BAZ2B: variants seen among roughly 807,000 people sequenced by gnomAD.
BAZ2B encodes bromodomain adjacent to zinc finger domain 2B, also known as bromodomain adjacent to zinc finger domain protein 2B.
A neutral mutation model predicts 246.0 loss-of-function variants in BAZ2B; 91 were observed. That is an observed-to-expected ratio of 0.37 (90% CI 0.31 to 0.44). The LOEUF (loss-of-function observed/expected upper bound fraction) is 0.44. Among genes scored for constraint, BAZ2B ranks in the 20% least tolerant of loss-of-function variants. The pLI is 1.00. For synonymous variants in BAZ2B, 855 were observed against 860.0 expected, an observed-to-expected ratio of 0.99 and a Z score of 0.10; for missense variants, 2,332 against 2,533.7, an observed-to-expected ratio of 0.92 and a Z score of 1.71.
the BAZ2B span, chr2:159,693,397 A>G: frequency 6.7e-6 from 1 of 149,168 alleles, no homozygotes; most frequent in Non-Finnish European, 1.5e-5. Flanking sequence ...GCCAATTTTG[A>G]TGAAATATAT....
intron 1 of BAZ2B, among the ~76,000 whole-genome samples, chr2:159,614,977 T>C (rs1171307396): frequency 6.6e-6 from 1 of 152,154 alleles, no homozygotes; most frequent in Non-Finnish European, 1.5e-5. Context: ...AGAGAGAGAC[T>C]TGGGAATAAA....
At chr2:159,471,099 A>C (rs922852111) in intron 3 of BAZ2B, among the ~76,000 whole-genome samples, 1 of 152,184 alleles carries the variant, frequency 6.6e-6, no homozygotes, top group African/African-American at 2.4e-5. Flanking sequence ...GGAAGCTAAA[A>C]GGAAAGATTT....
At chr2:159,520,501 A>G (rs1283023324) in intron 2 of BAZ2B, among the ~76,000 whole-genome samples, 6 of 152,180 alleles carry the variant, frequency 3.9e-5, no homozygotes, top group African/African-American at 1.2e-4. Flanking sequence ...TCCTTCTTTT[A>G]TATTACCCAC....
At chr2:159,367,376 T>G (rs1461249961) in intron 27 of BAZ2B, among the ~76,000 whole-genome samples, 1 of 152,178 alleles carries the variant, frequency 6.6e-6, no homozygotes, top group Non-Finnish European at 1.5e-5. Context: ...CTGTGTGTAA[T>G]GCTTGTGGTA....
chr2:159,569,666 T>C (rs1452829522), intron 1 of BAZ2B, among the ~76,000 whole-genome samples: 2 of 152,050 alleles, frequency 1.3e-5, no homozygotes, highest in Non-Finnish European at 2.9e-5. Flanking sequence ...TGTCATAGTG[T>C]TTCAAAAATG....
chr2:159,685,787 C>A, the BAZ2B span, among the ~76,000 whole-genome samples: 1 of 152,116 alleles, frequency 6.6e-6, no homozygotes, highest in Admixed American at 6.5e-5. Flanking sequence ...GTTATTAATA[C>A]ATGATAAATA....
intron 2 of BAZ2B, among the ~76,000 whole-genome samples, chr2:159,519,385 G>A (rs1460383184): frequency 7.5e-5 from 11 of 146,102 alleles, no homozygotes; most frequent in South Asian, 2.2e-4. Flanking sequence ...GCCCGCCACC[G>A]CGCCCGGCTA....
intron 25 of BAZ2B, among the ~76,000 whole-genome samples, chr2:159,378,792 A>C (rs1206797900): frequency 6.6e-6 from 1 of 152,194 alleles, no homozygotes; most frequent in Non-Finnish European, 1.5e-5. Context: ...AAAGAAAGAG[A>C]AAGAAAGAGA....
intron 1 of BAZ2B, among the ~76,000 whole-genome samples, chr2:159,582,180 ATATT>A (rs1163727887): frequency 2.0e-5 from 3 of 152,250 alleles, no homozygotes; most frequent in African/African-American, 7.2e-5. Flanking sequence ...TGCAGAATGC[ATATT>A]TAATTAGATT....
intron 2 of BAZ2B, among the ~76,000 whole-genome samples, chr2:159,533,245 C>T (rs1004787211): frequency 2.0e-5 from 3 of 152,088 alleles, no homozygotes; most frequent in Non-Finnish European, 4.4e-5. Context: ...AAACCATTAA[C>T]AGTAATAGGC....
chr2:159,493,791 G>A (rs756897720), intron 2 of BAZ2B, among the ~76,000 whole-genome samples: 1 of 152,116 alleles, frequency 6.6e-6, no homozygotes, highest in African/African-American at 2.4e-5. Flanking sequence ...GAAGAATTTT[G>A]TTCTATTTGC....
chr2:159,575,126 C>T lies in BAZ2B; in HGVS notation c.-45-19261G>A, dbSNP rs138278049. 5.7e-4 allele frequency among the ~76,000 whole-genome samples: 86 copies of T among 152,198 alleles called. 2 individuals are homozygous for T. In the East Asian group the frequency reaches 7.7e-3, roughly 14 times the overall value. On this transcript the variant is annotated intron_variant, in intron 1 of 36. Coordinates refer to ENST00000392783, the MANE Select transcript of BAZ2B (RefSeq NM_013450.4). ...AATTCCACTTACATGCAATGTCCAG[C>T]GTAGGCAAATCCATAGAGAGAGAAA...
At chr2:159,551,223 A>G (rs1369135615) in intron 2 of BAZ2B, among the ~76,000 whole-genome samples, 1 of 152,144 alleles carries the variant, frequency 6.6e-6, no homozygotes, top group Non-Finnish European at 1.5e-5. Flanking sequence ...TAATCCCAGC[A>G]CTTTGGGAGG....
chr2:159,477,238 G>T, intron 3 of BAZ2B, among the ~76,000 whole-genome samples: 1 of 152,060 alleles, frequency 6.6e-6, no homozygotes. Context: ...CCAGGTGGTG[G>T]AGCTTGCAGT....
intron 1 of BAZ2B, among the ~76,000 whole-genome samples, chr2:159,556,529 T>C (rs531550449): frequency 4.3e-5 from 6 of 139,548 alleles, no homozygotes; most frequent in African/African-American, 2.0e-4. Context: ...GGCGCGATCG[T>C]GGCTCACTGC....
chr2:159,620,395 A>G (rs1022858332), upstream of BAZ2B, among the ~76,000 whole-genome samples: 6 of 152,222 alleles, frequency 3.9e-5, no homozygotes, highest in Non-Finnish European at 1.5e-5. Flanking sequence ...TAGAGGCTGG[A>G]AAAACATGAA....
chr2:159,326,010 A>G, intron 34 of BAZ2B, 92 bp from the exon 35 acceptor site: 1 of 1,085,176 alleles, frequency 9.2e-7, no homozygotes, highest in South Asian at 1.7e-5. Context: ...AGGACAAATA[A>G]GTAAAAAGAA....
chr2:159,517,081 A>G, intron 2 of BAZ2B, among the ~76,000 whole-genome samples: 1 of 152,198 alleles, frequency 6.6e-6, no homozygotes, highest in Middle Eastern at 3.4e-3. Context: ...AAGCATGTCT[A>G]TTTTTTTATT....
intron 1 of BAZ2B, among the ~76,000 whole-genome samples, chr2:159,559,264 C>T (rs1053477390): frequency 1.9e-4 from 29 of 151,690 alleles, no homozygotes; most frequent in African/African-American, 4.6e-4. Context: ...AAGGTGGCCA[C>T]GGAGATAAAA....
Sources: allele counts gnomAD v4.1 joint callset (sites outside exome capture counted in the v4.1 genomes callset), GRCh38; gene constraint gnomAD v4.1.1; transcripts MANE v1.5; gene names NCBI Gene and HGNC (gene_info 2026-07-23, HGNC 2026-07-21).